Variants in ATP8A2 observed in about 807,000 individuals in gnomAD.
The protein encoded by ATP8A2 is phospholipid-transporting ATPase IB.
ATP8A2 carries 100 observed loss-of-function variants against 165.6 expected under a neutral mutation model. The ratio of observed to expected loss-of-function variants is 0.60; its 90% confidence interval spans 0.51 to 0.71. The LOEUF (loss-of-function observed/expected upper bound fraction) is 0.71, where lower values mean the gene tolerates loss of function less well. Ranked by LOEUF, ATP8A2 falls within the 30% of genes least tolerant of loss-of-function variation. ATP8A2 has a pLI of 0.00. For missense variants in ATP8A2, 1,227 were observed against 1,479.5 expected, an observed-to-expected ratio of 0.83 and a Z score of 2.80; for synonymous variants, 543 against 548.8, an observed-to-expected ratio of 0.99 and a Z score of 0.15.
chr13:25,691,352 A>C (rs551030390), intron 24 of ATP8A2, among the ~76,000 whole-genome samples: 1 of 152,378 alleles, frequency 6.6e-6, no homozygotes, highest in African/African-American at 2.4e-5. Flanking sequence ...ATGTCAGTTA[A>C]TAAAGCTGAT....
intron 30 of ATP8A2, among the ~76,000 whole-genome samples, chr13:25,850,319 T>C (rs1279043267): frequency 6.6e-6 from 1 of 152,206 alleles, no homozygotes; most frequent in East Asian, 1.9e-4. Context: ...TAAATTTCTT[T>C]ATTTATAGAG....
intron 25 of ATP8A2, among the ~76,000 whole-genome samples, chr13:25,709,292 T>TTTC (rs1438024701): frequency 6.6e-6 from 1 of 152,200 alleles, no homozygotes; most frequent in African/African-American, 2.4e-5. Context: ...ATACACCAAG[T>TTTC]TGAAGATAAT....
At chr13:25,594,984 G>GTATATATA (rs58403530) in intron 24 of ATP8A2, among the ~76,000 whole-genome samples, 2,540 of 142,740 alleles carry the variant, frequency 0.018, 32 homozygotes, top group African/African-American at 0.019. Context: ...GTGTGTGTGT[G>GTATATATA]TATATATATA....
At chr13:25,433,081 G>C (rs1490168456) in intron 1 of ATP8A2, among the ~76,000 whole-genome samples, 2 of 152,130 alleles carry the variant, frequency 1.3e-5, no homozygotes, top group Non-Finnish European at 2.9e-5. Flanking sequence ...GAGCTGAGTT[G>C]CTGCAAGGTC....
chr13:25,478,276 G>C (rs1474589087), intron 2 of ATP8A2, among the ~76,000 whole-genome samples: 1 of 152,070 alleles, frequency 6.6e-6, no homozygotes. Context: ...AAAGTAGACT[G>C]CTCTGTTTTT....
chr13:25,491,625 G>A (rs573623953), intron 2 of ATP8A2, among the ~76,000 whole-genome samples: 34 of 152,288 alleles, frequency 2.2e-4, no homozygotes, highest in African/African-American at 7.9e-4. Context: ...CATTTTATGT[G>A]ACCACGTGGG....
intron 28 of ATP8A2, among the ~76,000 whole-genome samples, chr13:25,834,357 T>C (rs1368506428): frequency 6.6e-6 from 1 of 152,154 alleles, no homozygotes; most frequent in East Asian, 1.9e-4. Flanking sequence ...CAGAATCTAG[T>C]AAAATTAAAA....
rs549630048 is a variant in ATP8A2, at chr13:25,673,961, C to A, written c.2212-25212C>A. On this transcript the variant is annotated intron_variant, in intron 24 of 36. Coordinates refer to ENST00000381655, the MANE Select transcript of ATP8A2 (RefSeq NM_016529.6). The stretch of plus-strand genomic sequence containing the variant: ...TTTGTCATCATTAAGCTAATGTTTT[C>A]AACAAGCTGTTTTTTGTGGTTCAGC... 2.6e-5 allele frequency among the ~76,000 whole-genome samples: 4 copies of A among 152,298 alleles called. No homozygotes were observed. The South Asian group carries it at 8.3e-4, about 32-fold the overall frequency.
rs534088537 is a variant in ATP8A2, at chr13:25,386,867, G to T, written c.76+14579G>T. Reference sequence around the variant, plus strand: ...AAAAAAGTAGCCGGGCGTGGTGGCGGGCACCTGTAGTCCCAGCTACTTGGG... The same window carrying T: ...AAAAAAGTAGCCGGGCGTGGTGGCGTGCACCTGTAGTCCCAGCTACTTGGG... On this transcript the variant is annotated intron_variant, in intron 1 of 36. Coordinates refer to ENST00000381655, the MANE Select transcript of ATP8A2 (RefSeq NM_016529.6). Among the ~76,000 whole-genome samples the T allele has an allele frequency of 3.2e-4, 49 of 151,228 alleles. 2 individuals carry two copies. In the South Asian group the frequency reaches 0.01, roughly 31 times the overall value.
At chr13:25,910,979 C>T (rs1390541656) in intron 33 of ATP8A2, among the ~76,000 whole-genome samples, 3 of 149,068 alleles carry the variant, frequency 2.0e-5, no homozygotes, top group African/African-American at 5.0e-5. Flanking sequence ...TGTTATTTGG[C>T]GCAGGAACAC....
chr13:26,014,995 T>A (rs959684983), intron 36 of ATP8A2, among the ~76,000 whole-genome samples: 10 of 152,164 alleles, frequency 6.6e-5, no homozygotes, highest in African/African-American at 2.4e-4. Context: ...CTCTGATGAA[T>A]GTTTCAAAAT....
intron 25 of ATP8A2, among the ~76,000 whole-genome samples, chr13:25,717,084 C>T (rs922892280): frequency 1.3e-5 from 2 of 152,188 alleles, no homozygotes; most frequent in African/African-American, 4.8e-5. Flanking sequence ...ACCAGTGAGT[C>T]TTCACTTAAT....
intron 27 of ATP8A2, among the ~76,000 whole-genome samples, chr13:25,790,524 G>GAA (rs60293203): frequency 1.1e-3 from 158 of 146,550 alleles, no homozygotes; most frequent in African/African-American, 1.6e-3. Context: ...TGTCTCTGTA[G>GAA]AAAAAAAAAA....
At chr13:25,701,944 T>C (rs1359606409) in intron 25 of ATP8A2, among the ~76,000 whole-genome samples, 1 of 152,188 alleles carries the variant, frequency 6.6e-6, no homozygotes, top group African/African-American at 2.4e-5. Context: ...GAATTTAGGA[T>C]AGTGCATCAT....
At chr13:25,842,066 T>A (rs746362280) in intron 30 of ATP8A2, among the ~76,000 whole-genome samples, 1 of 152,202 alleles carries the variant, frequency 6.6e-6, no homozygotes, top group Non-Finnish European at 1.5e-5. Context: ...CTTTGCGGGC[T>A]GCATTCAAAC....
At chr13:25,692,036 G>A (rs1262393702) in intron 24 of ATP8A2, among the ~76,000 whole-genome samples, 1 of 152,186 alleles carries the variant, frequency 6.6e-6, no homozygotes, top group Non-Finnish European at 1.5e-5. Flanking sequence ...AATGGTGACT[G>A]CAGCTGCACT....
intron 35 of ATP8A2, among the ~76,000 whole-genome samples, chr13:25,975,778 A>T (rs928968999): frequency 6.6e-6 from 1 of 152,146 alleles, no homozygotes; most frequent in Non-Finnish European, 1.5e-5. Context: ...CCCAGGCATC[A>T]CGACAGTCCA....
chr13:25,769,238 C>T lies in ATP8A2; in HGVS notation c.2568+9C>T. On this transcript the variant is annotated intron_variant, in intron 26 of 36. Coordinates refer to ENST00000381655, the MANE Select transcript of ATP8A2 (RefSeq NM_016529.6). ...ATTACGCCATCGCACAGGTCAGCAGCTTGGGCGTCCAGCTGCCCTGTCCTG... is the reference window on the plus strand; with the variant it reads ...ATTACGCCATCGCACAGGTCAGCAGTTTGGGCGTCCAGCTGCCCTGTCCTG... 2 of 1,601,664 alleles carry T rather than the reference C, an allele frequency of 1.2e-6. No individual in the cohort carries two copies. The highest frequency in any genetic ancestry group is 1.1e-5 in the South Asian group (1 of 90,430).
At chr13:25,907,588 G>A (rs1004818643) in intron 33 of ATP8A2, among the ~76,000 whole-genome samples, 3 of 152,150 alleles carry the variant, frequency 2.0e-5, no homozygotes, top group Non-Finnish European at 2.9e-5. Context: ...ATGGGGATAC[G>A]TTGATCTTTA....
Sources: allele counts gnomAD v4.1 joint callset (sites outside exome capture counted in the v4.1 genomes callset), GRCh38; gene constraint gnomAD v4.1.1; transcripts MANE v1.5; gene names NCBI Gene and HGNC (gene_info 2026-07-23, HGNC 2026-07-21).